NALF1: variants seen among roughly 807,000 people sequenced by gnomAD.
NALF1 encodes the protein family with sequence similarity 155 member A.
NALF1 carries 3 observed loss-of-function variants against 48.4 expected under a neutral mutation model. The ratio of observed to expected loss-of-function variants is 0.06; its 90% CI spans 0.03 to 0.16. NALF1 has a LOEUF of 0.16. NALF1 is among the 10% of genes least tolerant of loss of function. The pLI is 1.00. For synonymous variants in NALF1, 262 were observed against 245.7 expected (o/e 1.07, Z -0.62); for missense variants, 526 against 571.5 (o/e 0.92, Z 0.81).
Position 107,469,733 on chromosome 13 carries a change from C to CTTTTTTTTTTTTT in NALF1, c.916-258991_916-258979dup, listed in dbSNP as rs61241553. Among the ~76,000 whole-genome samples, 24 of 79,970 alleles carry CTTTTTTTTTTTTT rather than the reference C, an allele frequency of 3.0e-4. 4 individuals are homozygous for CTTTTTTTTTTTTT. Among genetic ancestry groups the CTTTTTTTTTTTTT allele is most frequent in the African/African-American group, 4.3e-4 (8 of 18,766 alleles). The allele number at this position is 79,970 out of a possible 152,430, so 52.5% of individuals were successfully genotyped here. A position where few individuals can be genotyped will look rare whatever the true frequency, so the allele number is the denominator to read the frequency against. ...TAAATGCGATGAGTCAACTGTGTATCTTTTTTTTTTTTTTTTTTTTTTTTT... is the reference window on the plus strand; with the variant it reads ...TAAATGCGATGAGTCAACTGTGTATCTTTTTTTTTTTTTTTTTTTTTTTTTTTTTTTTTTTTTT... On this transcript the variant is annotated intron_variant, in intron 1 of 2. Coordinates refer to ENST00000375915, the MANE Select transcript of NALF1 (RefSeq NM_001080396.3).
chr13:107,743,164 G>A (rs1456384774), intron 1 of NALF1, among the ~76,000 whole-genome samples: 1 of 152,196 alleles, frequency 6.6e-6, no homozygotes, highest in Non-Finnish European at 1.5e-5. Context: ...GGGAGGCTAG[G>A]AGGTCTTACA....
chr13:107,360,921 C>A (rs1245269474), intron 1 of NALF1, among the ~76,000 whole-genome samples: 2 of 151,720 alleles, frequency 1.3e-5, no homozygotes, highest in Non-Finnish European at 2.9e-5. Flanking sequence ...TACTATTTTT[C>A]TTGTAGAGTT....
At chr13:107,844,744 G>A (rs1043448041) in intron 1 of NALF1, among the ~76,000 whole-genome samples, 1 of 152,120 alleles carries the variant, frequency 6.6e-6, no homozygotes, top group Non-Finnish European at 1.5e-5. Context: ...GTTCAAACAA[G>A]ATTTTGACAT....
At chr13:107,583,938 C>T (rs564553570) in intron 1 of NALF1, among the ~76,000 whole-genome samples, 3 of 152,092 alleles carry the variant, frequency 2.0e-5, no homozygotes, top group South Asian at 4.2e-4. Context: ...TTTCTACACC[C>T]CTATTCTAAG....
At chr13:107,699,860 G>A (rs1290745570) in intron 1 of NALF1, among the ~76,000 whole-genome samples, 1 of 151,910 alleles carries the variant, frequency 6.6e-6, no homozygotes, top group Non-Finnish European at 1.5e-5. Flanking sequence ...AAAATCAGTA[G>A]CATTTCTACA....
At chr13:107,289,396 T>A (rs977177707) in intron 1 of NALF1, among the ~76,000 whole-genome samples, 1 of 152,242 alleles carries the variant, frequency 6.6e-6, no homozygotes. Context: ...ACAAAATAGA[T>A]GCTCAATAAA....
chr13:107,794,326 G>A (rs1160211136), intron 1 of NALF1, among the ~76,000 whole-genome samples: 1 of 152,010 alleles, frequency 6.6e-6, no homozygotes, highest in Non-Finnish European at 1.5e-5. Context: ...GTAGGCTTTT[G>A]ACTTGTCCCT....
chr13:107,470,655 C>A (rs1885085037), intron 1 of NALF1, among the ~76,000 whole-genome samples: 1 of 152,134 alleles, frequency 6.6e-6, no homozygotes. Flanking sequence ...CAAAGTGTCC[C>A]TTAATGGCCA....
chr13:107,483,218 A>G (rs1270109223), intron 1 of NALF1, among the ~76,000 whole-genome samples: 1 of 152,204 alleles, frequency 6.6e-6, no homozygotes, highest in Non-Finnish European at 1.5e-5. Flanking sequence ...GACCAGCAAA[A>G]TGAATGCTTT....
chr13:107,683,848 C>A (rs1390826413), intron 1 of NALF1, among the ~76,000 whole-genome samples: 5 of 36,248 alleles, frequency 1.4e-4, no homozygotes. Flanking sequence ...GGAACACATC[C>A]TGTGGGGTCT....
intron 2 of NALF1, among the ~76,000 whole-genome samples, chr13:107,196,179 A>T (rs1879387797): frequency 6.6e-6 from 1 of 152,208 alleles, no homozygotes; most frequent in African/African-American, 2.4e-5. Context: ...GGAGAGGATC[A>T]GGAAAAATAA....
At chr13:107,861,138 G>A (rs1880557892) in intron 1 of NALF1, among the ~76,000 whole-genome samples, 1 of 152,046 alleles carries the variant, frequency 6.6e-6, no homozygotes, top group Non-Finnish European at 1.5e-5. Context: ...CATGGAGCAA[G>A]AAGATAAAAA....
intron 1 of NALF1, among the ~76,000 whole-genome samples, chr13:107,698,554 T>A (rs763696019): frequency 1.3e-5 from 2 of 152,134 alleles, no homozygotes; most frequent in Non-Finnish European, 2.9e-5. Context: ...TTTACATGTA[T>A]ATAGAATATA....
intron 1 of NALF1, among the ~76,000 whole-genome samples, chr13:107,459,754 TTCTTGAGTCAGGG>T (rs1289570734): frequency 1.3e-5 from 2 of 152,144 alleles, no homozygotes; most frequent in South Asian, 2.1e-4. Context: ...ATTTTTTATT[TTCTTGAGTCAGGG>T]TCTCTCTGTG....
At chr13:107,284,517 A>G (rs1199520960) in intron 1 of NALF1, among the ~76,000 whole-genome samples, 1 of 152,216 alleles carries the variant, frequency 6.6e-6, no homozygotes, top group Non-Finnish European at 1.5e-5. Flanking sequence ...AAAAACTAAA[A>G]TATCAGTAAG....
chr13:107,268,902 T>C (rs1470823666), intron 1 of NALF1, among the ~76,000 whole-genome samples: 7 of 152,150 alleles, frequency 4.6e-5, no homozygotes, highest in African/African-American at 1.7e-4. Context: ...AAGTATTTTG[T>C]TTGCTTTTCT....
Position 107,170,282 on chromosome 13 carries a change from G to T in NALF1, c.*215C>A, listed in dbSNP as rs1266091431. 3.9e-6 allele frequency: 2 copies of T among 513,954 alleles called. No homozygotes were observed. Among genetic ancestry groups the T allele is most frequent in the Non-Finnish European group, 6.9e-6 (2 of 289,932 alleles). 31.8% of individuals were successfully genotyped at this position (513,954 alleles called of 1,614,324 possible). A position where few individuals can be genotyped will look rare whatever the true frequency, so the allele number is the denominator to read the frequency against. The stretch of plus-strand genomic sequence containing the variant: ...ACATTAAAACACAGTGTATAAAATG[G>T]TGTGAGAAATTTAAAGTCACTTTCC... On this transcript the variant is annotated 3_prime_UTR_variant, in exon 3 of 3. Transcript: ENST00000375915.
intron 1 of NALF1, among the ~76,000 whole-genome samples, chr13:107,405,810 G>C (rs1322712642): frequency 6.6e-6 from 1 of 151,980 alleles, no homozygotes; most frequent in African/African-American, 2.4e-5. Context: ...CTGGCAAAGA[G>C]AGTTATTTAG....
intron 1 of NALF1, among the ~76,000 whole-genome samples, chr13:107,462,901 T>C (rs1034039537): frequency 2.6e-5 from 4 of 152,214 alleles, no homozygotes; most frequent in Admixed American, 6.5e-5. Context: ...ATTTTAACTG[T>C]TGTAAACCAC....
Sources: allele counts gnomAD v4.1 joint callset (sites outside exome capture counted in the v4.1 genomes callset), GRCh38; gene constraint gnomAD v4.1.1; transcripts MANE v1.5; gene names NCBI Gene and HGNC (gene_info 2026-07-23, HGNC 2026-07-21).